The following GRID1 variants were observed in gnomAD, a reference collection of about 807,000 sequenced individuals.
GRID1 encodes the protein glutamate receptor ionotropic, delta-1.
GRID1 carries 28 observed loss-of-function variants against 98.0 expected under a neutral mutation model. That is an observed-to-expected ratio of 0.29 (90% CI 0.21 to 0.39). GRID1 has a LOEUF of 0.39. Among genes scored for constraint, GRID1 ranks in the 10% least tolerant of loss-of-function variants. The probability of loss-of-function intolerance (pLI) is 1.00; values close to 1 mark genes in which losing one functional copy is unlikely to be tolerated. For synonymous variants in GRID1, 553 were observed against 538.5 expected, an observed-to-expected ratio of 1.03 and a Z score of -0.37; for missense variants, 1,111 against 1,340.5, an observed-to-expected ratio of 0.83 and a Z score of 2.67.
intron 4 of GRID1, among the ~76,000 whole-genome samples, chr10:86,021,620 T>G (rs1843050195): frequency 6.6e-6 from 1 of 152,084 alleles, no homozygotes; most frequent in Admixed American, 6.6e-5. Flanking sequence ...ATGCATGATC[T>G]CCACATTATT....
chr10:85,609,182 C>A (rs1590157269), intron 15 of GRID1, among the ~76,000 whole-genome samples: 1 of 152,200 alleles, frequency 6.6e-6, no homozygotes, highest in African/African-American at 2.4e-5. Context: ...CCCATCTCTA[C>A]CCTTCTCACT....
chr10:85,952,221 ATT>A, intron 4 of GRID1, among the ~76,000 whole-genome samples: 1 of 152,226 alleles, frequency 6.6e-6, no homozygotes, highest in Non-Finnish European at 1.5e-5. Flanking sequence ...AGAGTTAATA[ATT>A]TTCAGTAAAC....
intron 8 of GRID1, among the ~76,000 whole-genome samples, chr10:85,734,075 T>TA (rs1232408647): frequency 4.6e-5 from 7 of 152,154 alleles, no homozygotes; most frequent in African/African-American, 1.7e-4. Context: ...TACCTGTCAG[T>TA]ATGTCAAGGC....
intron 4 of GRID1, among the ~76,000 whole-genome samples, chr10:86,030,340 G>A (rs1053703314): frequency 6.6e-6 from 1 of 152,228 alleles, no homozygotes; most frequent in Non-Finnish European, 1.5e-5. Context: ...ATTAATAATT[G>A]CAGGAAAGAT....
rs938100965 is a variant in GRID1, at chr10:86,161,979, G to A, written c.521-22955C>T. Among the ~76,000 whole-genome samples the A allele has an allele frequency of 1.2e-4, 18 of 152,168 alleles. No individual in the cohort carries two copies. In the South Asian group the frequency reaches 1.4e-3, roughly 12 times the overall value. ...TTCCGATTGTCACTGTCTGTTTACC[G>A]AAGGAAAATGCTGGTGGTCACCCAG... On this transcript the variant is annotated intron_variant, in intron 3 of 15. Coordinates refer to ENST00000327946, the MANE Select transcript of GRID1 (RefSeq NM_017551.3).
intron 8 of GRID1, among the ~76,000 whole-genome samples, chr10:85,825,816 TA>T (rs1254491463): frequency 6.6e-6 from 1 of 152,074 alleles, no homozygotes; most frequent in East Asian, 1.9e-4. Context: ...AATATGTGTG[TA>T]ATGCACAGAA....
chr10:86,048,039 G>A (rs772803578), intron 4 of GRID1, among the ~76,000 whole-genome samples: 3 of 151,984 alleles, frequency 2.0e-5, no homozygotes, highest in Admixed American at 2.0e-4. Context: ...TTGCTCTCCT[G>A]GCCCTGACCT....
chr10:85,732,130 G>A (rs1752112765), intron 8 of GRID1, among the ~76,000 whole-genome samples: 2 of 152,242 alleles, frequency 1.3e-5, no homozygotes, highest in South Asian at 4.1e-4. Context: ...GGCAGGAGTG[G>A]ATATTTATTT....
At chr10:85,613,768 T>C in intron 14 of GRID1, 121 bp from the exon 15 acceptor site, 1 of 1,192,622 alleles carries the variant, frequency 8.4e-7, no homozygotes. Context: ...TCCTAGCAGC[T>C]TTCTGCCTTA....
At chr10:86,032,589 T>C (rs1843202606) in intron 4 of GRID1, among the ~76,000 whole-genome samples, 1 of 152,116 alleles carries the variant, frequency 6.6e-6, no homozygotes. Context: ...TTAAGGGCGG[T>C]GCAAGATGTG....
rs145688128 is a variant in GRID1, at chr10:85,739,790, G to A, written c.1234-10176C>T. Among the ~76,000 whole-genome samples, 14 of 152,156 alleles carry A rather than the reference G, an allele frequency of 9.2e-5. No individual in the cohort carries two copies. The East Asian group carries it at 2.7e-3, about 29-fold the overall frequency. ...CAAATAGCTCCATGGTGTGTGGGGG[G>A]AAAAATAGATTACATAACATTATAT... On this transcript the variant is annotated intron_variant, in intron 8 of 15. Coordinates refer to ENST00000327946, the MANE Select transcript of GRID1 (RefSeq NM_017551.3).
At chr10:86,100,946 C>T (rs1234217694) in intron 4 of GRID1, among the ~76,000 whole-genome samples, 1 of 152,136 alleles carries the variant, frequency 6.6e-6, no homozygotes, top group Non-Finnish European at 1.5e-5. Flanking sequence ...TGCTGGATTC[C>T]AGTGAGACTT....
intron 4 of GRID1, among the ~76,000 whole-genome samples, chr10:86,075,830 C>T (rs549699050): frequency 6.6e-6 from 1 of 152,174 alleles, no homozygotes; most frequent in Non-Finnish European, 1.5e-5. Context: ...AAGGAAACTT[C>T]AGATGAAATT....
chr10:85,834,113 G>A (rs1164368460), intron 8 of GRID1, among the ~76,000 whole-genome samples: 2 of 152,152 alleles, frequency 1.3e-5, no homozygotes, highest in African/African-American at 4.8e-5. Context: ...TTTCGTGGAA[G>A]ATGTAAACCT....
intron 4 of GRID1, among the ~76,000 whole-genome samples, chr10:85,929,251 A>G (rs1210643255): frequency 2.0e-5 from 3 of 152,192 alleles, no homozygotes; most frequent in African/African-American, 7.2e-5. Flanking sequence ...TAGGCTTAGC[A>G]CAGCAGATCC....
intron 4 of GRID1, among the ~76,000 whole-genome samples, chr10:85,917,125 T>C (rs998272712): frequency 4.5e-4 from 69 of 152,290 alleles, no homozygotes; most frequent in African/African-American, 1.2e-3. Flanking sequence ...ATTGGAAGAA[T>C]TGGAAGAGAC....
At chr10:85,646,763 C>T (rs1843198648) in intron 13 of GRID1, 1 of 211,664 alleles carries the variant, frequency 4.7e-6, no homozygotes, top group Non-Finnish European at 9.8e-6. Flanking sequence ...GACCCTTACC[C>T]CCTTTCCCCG....
chr10:86,024,309 T>C (rs543640231), intron 4 of GRID1, among the ~76,000 whole-genome samples: 6 of 152,266 alleles, frequency 3.9e-5, no homozygotes, highest in Non-Finnish European at 8.8e-5. Flanking sequence ...TCAGAAGTGA[T>C]GATAAGAAGC....
chr10:85,821,989 G>T (rs1250616742), intron 8 of GRID1, among the ~76,000 whole-genome samples: 2 of 152,154 alleles, frequency 1.3e-5, no homozygotes, highest in Non-Finnish European at 2.9e-5. Context: ...GCCATAAGTA[G>T]AAAGCTGAAA....
Sources: gnomAD v4.1 joint callset for allele counts (sites outside exome capture counted in the v4.1 genomes callset) on GRCh38, gnomAD v4.1.1 for gene constraint, MANE v1.5 for transcripts, NCBI Gene and HGNC (gene_info 2026-07-23, HGNC 2026-07-21) for gene names.